The following ENTREP2 variants were observed in gnomAD, a reference collection of about 807,000 sequenced individuals.
The protein encoded by ENTREP2 is protein ENTREP2.
the ENTREP2 span, among the ~76,000 whole-genome samples, chr15:29,179,136 C>T: frequency 0.38 from 57,243 of 152,054 alleles, 11,010 homozygotes; most frequent in East Asian, 0.55. Context: ...TACCCACAAA[C>T]TTTGTAATAA....
At chr15:29,304,055 G>C in the ENTREP2 span, among the ~76,000 whole-genome samples, 1 of 151,926 alleles carries the variant, frequency 6.6e-6, no homozygotes, top group Non-Finnish European at 1.5e-5. Flanking sequence ...TAATTTTTGT[G>C]TATTTTTAGT....
the ENTREP2 span, among the ~76,000 whole-genome samples, chr15:29,638,712 AC>A: frequency 2.0e-5 from 3 of 152,358 alleles, no homozygotes; most frequent in South Asian, 6.2e-4. Flanking sequence ...CCCCATCTCT[AC>A]AAAAGTTTAA....
chr15:29,353,527 T>C, the ENTREP2 span, among the ~76,000 whole-genome samples: 3 of 152,210 alleles, frequency 2.0e-5, no homozygotes, highest in African/African-American at 7.2e-5. Context: ...TGCATGGAAG[T>C]ACACATGTAT....
At chr15:29,642,685 T>C in the ENTREP2 span, among the ~76,000 whole-genome samples, 1 of 151,982 alleles carries the variant, frequency 6.6e-6, no homozygotes, top group Non-Finnish European at 1.5e-5. Context: ...CGATCTCGGC[T>C]CACTGCAACC....
the ENTREP2 span, among the ~76,000 whole-genome samples, chr15:29,394,316 C>T: frequency 6.6e-6 from 1 of 151,874 alleles, no homozygotes. Flanking sequence ...AAAATTTTTC[C>T]TTCAGATAGT....
the ENTREP2 span, among the ~76,000 whole-genome samples, chr15:29,664,446 C>CT: frequency 8.4e-4 from 125 of 148,468 alleles, no homozygotes; most frequent in African/African-American, 2.9e-3. Flanking sequence ...TTTTCTCTCT[C>CT]TCTTTTTTTT....
chr15:29,457,275 G>T, the ENTREP2 span, among the ~76,000 whole-genome samples: 1 of 152,208 alleles, frequency 6.6e-6, no homozygotes, highest in Non-Finnish European at 1.5e-5. Flanking sequence ...GTGCAGAGCA[G>T]GCATGGGCCA....
the ENTREP2 span, among the ~76,000 whole-genome samples, chr15:29,195,753 G>A: frequency 6.6e-6 from 1 of 152,020 alleles, no homozygotes; most frequent in Non-Finnish European, 1.5e-5. Flanking sequence ...TCGAACTCCT[G>A]ACCTCAAGTG....
chr15:29,541,228 C>G, the ENTREP2 span, among the ~76,000 whole-genome samples: 1 of 152,164 alleles, frequency 6.6e-6, no homozygotes, highest in Non-Finnish European at 1.5e-5. Context: ...TTGGAGGACC[C>G]AACAACTGAC....
At chr15:29,436,920 C>T in the ENTREP2 span, among the ~76,000 whole-genome samples, 18 of 152,320 alleles carry the variant, frequency 1.2e-4, no homozygotes, top group African/African-American at 4.1e-4. Context: ...GTCATATTTA[C>T]TTTGTTTTCC....
the ENTREP2 span, among the ~76,000 whole-genome samples, chr15:29,364,655 T>C: frequency 6.6e-6 from 1 of 152,200 alleles, no homozygotes. Context: ...CAGAGATAGA[T>C]CATGCCTTTC....
chr15:29,131,289 A>C, the ENTREP2 span, among the ~76,000 whole-genome samples: 1 of 151,916 alleles, frequency 6.6e-6, no homozygotes, highest in African/African-American at 2.4e-5. Flanking sequence ...GTGGATCGTA[A>C]GTGTCAGGAC....
chr15:29,568,656 A>G, the ENTREP2 span, among the ~76,000 whole-genome samples: 19 of 148,244 alleles, frequency 1.3e-4, no homozygotes, highest in African/African-American at 4.7e-4. Context: ...GTGAGCTATG[A>G]TAGTGTCACT....
At chr15:29,218,101 C>T in the ENTREP2 span, among the ~76,000 whole-genome samples, 1 of 152,124 alleles carries the variant, frequency 6.6e-6, no homozygotes, top group Non-Finnish European at 1.5e-5. Context: ...TGATGTGAAC[C>T]GTCAATGGGT....
At chr15:29,614,674 C>A in the ENTREP2 span, among the ~76,000 whole-genome samples, 7,901 of 152,232 alleles carry the variant, frequency 0.052, 241 homozygotes, top group East Asian at 0.16. Context: ...CCATTTAGAA[C>A]CAACCGGGTG....
chr15:29,382,762 A>G, the ENTREP2 span, among the ~76,000 whole-genome samples: 10 of 152,142 alleles, frequency 6.6e-5, no homozygotes, highest in Non-Finnish European at 1.0e-4. Context: ...TGAGGATGAC[A>G]CTGGCTCTGA....
the ENTREP2 span, among the ~76,000 whole-genome samples, chr15:29,486,551 C>T: frequency 7.6e-4 from 116 of 152,182 alleles, no homozygotes; most frequent in African/African-American, 2.6e-3. Context: ...ATTAGCCTGG[C>T]GTGGTGGCGT....
the ENTREP2 span, among the ~76,000 whole-genome samples, chr15:29,408,418 A>G: frequency 4.7e-5 from 3 of 63,632 alleles, no homozygotes; most frequent in African/African-American, 1.8e-4. Flanking sequence ...ACAGATCCCA[A>G]AAGGAGGAAC....
At chr15:29,566,876 C>CACACAA in the ENTREP2 span, among the ~76,000 whole-genome samples, 2 of 151,840 alleles carry the variant, frequency 1.3e-5, no homozygotes, top group African/African-American at 4.8e-5. Flanking sequence ...CACACACACA[C>CACACAA]AGAGTCAGCT....
Sources: allele counts gnomAD v4.1 joint callset (sites outside exome capture counted in the v4.1 genomes callset), GRCh38; gene constraint gnomAD v4.1.1; transcripts MANE v1.5; gene names NCBI Gene and HGNC (gene_info 2026-07-23, HGNC 2026-07-21).